Variants in LARGE1 observed in about 807,000 individuals in gnomAD.
The protein encoded by LARGE1 is LARGE xylosyl- and glucuronyltransferase 1, also known as xylosyl- and glucuronyltransferase LARGE1.
Under a neutral mutation model 87.6 loss-of-function variants are expected in LARGE1, and 43 were observed. That is an observed-to-expected ratio of 0.49 (90% CI 0.38 to 0.63). The LOEUF is 0.63. Among genes scored for constraint, LARGE1 ranks in the 30% least tolerant of loss-of-function variants. LARGE1 has a pLI of 0.00. For missense variants in LARGE1, 802 were observed against 1,000.2 expected (o/e 0.80, Z 2.67); for synonymous variants, 434 against 394.6 (o/e 1.10, Z -1.18).
At chr22:33,373,249 T>C (rs925818544) in intron 9 of LARGE1, among the ~76,000 whole-genome samples, 2 of 152,208 alleles carry the variant, frequency 1.3e-5, no homozygotes, top group African/African-American at 4.8e-5. Flanking sequence ...TCATCCCCTA[T>C]GTTAGAACAA....
intron 1 of LARGE1, among the ~76,000 whole-genome samples, chr22:33,807,652 T>A (rs974449434): frequency 1.3e-5 from 2 of 152,252 alleles, no homozygotes; most frequent in African/African-American, 4.8e-5. Context: ...TAGTCTGAGC[T>A]CTGCTGATTC....
At chr22:33,179,618 C>A (rs68154103) in intron 11 of LARGE1, among the ~76,000 whole-genome samples, 25,372 of 152,090 alleles carry the variant, frequency 0.17, 2,276 homozygotes, top group South Asian at 0.32. Context: ...CTCCTTAAAT[C>A]AATGTAGTGT....
rs527472415 is a variant in LARGE1 at position 33,553,768 on chromosome 22, G to A, written c.787+11080C>T. Among the ~76,000 whole-genome samples the A allele has an allele frequency of 1.7e-4, 26 of 152,280 alleles. 1 individual carries two copies. In the South Asian group the frequency reaches 5.4e-3, roughly 32 times the overall value. On this transcript the variant is annotated intron_variant, in intron 6 of 14. Transcript: ENST00000397394. ...AAAGCAACCCCAAGGAAGGGCCCTT[G>A]ACTGAGAGTAAATACTTGAGTTGGG... is the stretch of plus-strand genomic sequence containing the variant.
At chr22:33,103,545 A>T in the LARGE1 span, among the ~76,000 whole-genome samples, 1 of 150,582 alleles carries the variant, frequency 6.6e-6, no homozygotes, top group Non-Finnish European at 1.5e-5. Context: ...CTGAGGAAGG[A>T]GTCAGAGATG....
chr22:33,174,442 G>A (rs1176417257), intron 11 of LARGE1, among the ~76,000 whole-genome samples: 1 of 152,088 alleles, frequency 6.6e-6, no homozygotes, highest in Non-Finnish European at 1.5e-5. Flanking sequence ...AGAGAAGCAA[G>A]AGCAAACAAA....
chr22:33,530,652 G>A (rs1420279684), intron 6 of LARGE1, among the ~76,000 whole-genome samples: 1 of 152,156 alleles, frequency 6.6e-6, no homozygotes, highest in Non-Finnish European at 1.5e-5. Context: ...GTTGCGCTCT[G>A]AGGACCATGT....
chr22:33,424,052 A>C (rs911433009), intron 7 of LARGE1, among the ~76,000 whole-genome samples: 1 of 152,214 alleles, frequency 6.6e-6, no homozygotes, highest in African/African-American at 2.4e-5. Flanking sequence ...GTAAAAGTAC[A>C]TCATCAGAGG....
intron 1 of LARGE1, among the ~76,000 whole-genome samples, chr22:33,855,350 T>A (rs1302839770): frequency 6.6e-6 from 1 of 151,364 alleles, no homozygotes; most frequent in Non-Finnish European, 1.5e-5. Flanking sequence ...AATAAATAAA[T>A]AAAAATAAAG....
rs774701589 is a variant in LARGE1 at position 33,761,387 on chromosome 22, A to C, written c.90T>G (p.Phe30Leu). Reference protein sequence around the residue: ...CIPAITWIYLFSGSFEDGKPV... With the variant: ...CIPAITWIYLLSGSFEDGKPV... ...CATTCTTACCTTCGAAGCTCCCAGA[A>C]AACAGGTAAATCCAGGTGATGGCTG... The change falls in exon 2 of 15, where the codon TTT (phenylalanine) becomes TTG (leucine). Residue 30 changes from phenylalanine to leucine, a missense_variant. Coordinates refer to ENST00000397394, the MANE Select transcript of LARGE1 (RefSeq NM_133642.5). 26 of 1,613,808 alleles carry C rather than the reference A, an allele frequency of 1.6e-5. No homozygotes were observed. Among genetic ancestry groups the C allele is most frequent in the Admixed American group, 3.3e-5 (2 of 59,986 alleles).
At chr22:33,314,037 G>C (rs771398274) in intron 11 of LARGE1, among the ~76,000 whole-genome samples, 10 of 152,182 alleles carry the variant, frequency 6.6e-5, no homozygotes, top group Non-Finnish European at 1.3e-4. Flanking sequence ...TAAGTGCCTG[G>C]TGCAGAACGG....
chr22:33,447,460 CCT>C (rs144722647), intron 6 of LARGE1, among the ~76,000 whole-genome samples: 3,744 of 152,248 alleles, frequency 0.025, 137 homozygotes, highest in African/African-American at 0.086. Context: ...GCTTGTCTCC[CCT>C]GTGATCCACA....
At chr22:33,305,384 G>T (rs1569034957) in intron 11 of LARGE1, among the ~76,000 whole-genome samples, 2 of 150,880 alleles carry the variant, frequency 1.3e-5, no homozygotes, top group African/African-American at 4.9e-5. Context: ...AAAGGTGTGT[G>T]TGGAGGGTTT....
intron 6 of LARGE1, among the ~76,000 whole-genome samples, chr22:33,557,298 A>G (rs554103591): frequency 2.0e-4 from 31 of 152,320 alleles, no homozygotes; most frequent in Admixed American, 1.7e-3. Flanking sequence ...TGTTGCTTCA[A>G]TGGTGTACAT....
intron 1 of LARGE1, among the ~76,000 whole-genome samples, chr22:33,860,935 C>A (rs10854640): frequency 0.21 from 31,853 of 151,984 alleles, 4,045 homozygotes; most frequent in East Asian, 0.32. Flanking sequence ...GACCCTTGCC[C>A]GTACATCCAT....
intron 5 of LARGE1, among the ~76,000 whole-genome samples, chr22:33,565,760 C>T (rs1485700940): frequency 2.0e-5 from 3 of 152,228 alleles, no homozygotes; most frequent in Non-Finnish European, 4.4e-5. Flanking sequence ...CCATGGAGCA[C>T]TGACATTATG....
At chr22:33,880,132 T>C (rs1006655109) in intron 1 of LARGE1, among the ~76,000 whole-genome samples, 1 of 152,184 alleles carries the variant, frequency 6.6e-6, no homozygotes, top group Non-Finnish European at 1.5e-5. Flanking sequence ...CCAAATTGTG[T>C]CCACCCACGT....
chr22:33,278,457 A>G (rs1362616123), intron 13 of LARGE1, among the ~76,000 whole-genome samples: 1 of 152,154 alleles, frequency 6.6e-6, no homozygotes, highest in Non-Finnish European at 1.5e-5. Context: ...GTTATACAGT[A>G]GTAGCAAATG....
intron 2 of LARGE1, among the ~76,000 whole-genome samples, chr22:33,692,415 T>C (rs2082122950): frequency 6.6e-6 from 1 of 152,164 alleles, no homozygotes; most frequent in Non-Finnish European, 1.5e-5. Flanking sequence ...GGTTCAAGTG[T>C]TTCTCCTGCC....
chr22:33,686,560 A>AAAAAAAAAAAAAAG (rs1569371022), intron 2 of LARGE1, among the ~76,000 whole-genome samples: 1 of 132,798 alleles, frequency 7.5e-6, no homozygotes, highest in African/African-American at 2.9e-5. Context: ...AAAAAAAAAA[A>AAAAAAAAAAAAAAG]AAAAAACAAA....
Sources: allele counts gnomAD v4.1 joint callset (sites outside exome capture counted in the v4.1 genomes callset), GRCh38; gene constraint gnomAD v4.1.1; transcripts MANE v1.5; gene names NCBI Gene and HGNC (gene_info 2026-07-23, HGNC 2026-07-21).